CARD8: variants seen among roughly 807,000 people sequenced by gnomAD.
CARD8 encodes caspase recruitment domain family member 8.
Under a neutral mutation model 53.2 loss-of-function variants are expected in CARD8, and 38 were observed. That is an observed-to-expected ratio of 0.71 (90% CI 0.55 to 0.94). The LOEUF is 0.94. Among genes scored for constraint, CARD8 ranks in the 40% least tolerant of loss-of-function variants. The probability of loss-of-function intolerance (pLI) is 0.00; values close to 1 mark genes in which losing one functional copy is unlikely to be tolerated. For missense variants in CARD8, 561 were observed against 655.5 expected, an observed-to-expected ratio of 0.86 and a Z score of 1.57; for synonymous variants, 245 against 244.9, an observed-to-expected ratio of 1.00 and a Z score of 0.00.
chr19:48,229,560 A>C (rs11083925), intron 10 of CARD8, among the ~76,000 whole-genome samples: 45,184 of 152,140 alleles, frequency 0.3, 7,056 homozygotes, highest in East Asian at 0.47. Context: ...TTGGAGCATT[A>C]GACGGGGGGA....
In CARD8 at chr19:48,232,200, G is replaced by C. The variant is rs1439053663; in HGVS notation, c.391+253C>G. 3.6e-5 allele frequency: 21 copies of C among 586,928 alleles called. No individual in the cohort carries two copies. In the South Asian group the frequency reaches 4.0e-4, roughly 11 times the overall value. The allele number at this position is 586,928 out of a possible 1,614,324, so 36.4% of individuals were successfully genotyped here. ...ACTCCAAAGATGCAGAGGCGAAAGA[G>C]CGTGCATCCTTCCTAGGCCCTGCTG... On this transcript the variant is annotated intron_variant, in intron 7 of 13. Transcript: ENST00000651546.
At chr19:48,218,754 T>C (rs779171604) in intron 12 of CARD8, 117 bp downstream of exon 12, 6 of 1,145,034 alleles carry the variant, frequency 5.2e-6, no homozygotes, top group African/African-American at 1.5e-5. Context: ...ACACTGACAA[T>C]AGATTTCTTT....
chr19:48,238,671 C>T (rs995875849), intron 4 of CARD8, 139 bp from the exon 5 acceptor site: 2 of 747,400 alleles, frequency 2.7e-6, no homozygotes, highest in Non-Finnish European at 4.3e-6. Context: ...CATAGAGATG[C>T]CATCCTTAGA....
downstream of CARD8, among the ~76,000 whole-genome samples, chr19:48,205,118 A>G (rs140249494): frequency 3.5e-3 from 526 of 152,268 alleles, 3 homozygotes; most frequent in African/African-American, 0.012. Flanking sequence ...TAGTCAGGAA[A>G]AGTCGGAGTG....
rs573158069 is a variant in CARD8, at chr19:48,252,242, C to T, written c.-251-2395G>A. On this transcript the variant is annotated intron_variant, in intron 1 of 13. Transcript: ENST00000651546. ...GAGAAAAAGTCATGCAGTTATTGAG[C>T]AATTGAATTAGGGCTAGTTTGAATT... is the stretch of plus-strand genomic sequence containing the variant. Among the ~76,000 whole-genome samples the T allele has an allele frequency of 7.9e-5, 12 of 152,054 alleles. No individual in the cohort carries two copies. The South Asian group carries it at 2.3e-3, about 29-fold the overall frequency.
At chr19:48,228,684 A>C (rs1290210785) in intron 10 of CARD8, among the ~76,000 whole-genome samples, 1 of 152,130 alleles carries the variant, frequency 6.6e-6, no homozygotes, top group Non-Finnish European at 1.5e-5. Context: ...CAGCATTTCC[A>C]ATGTGGGGGC....
At chr19:48,245,241 CCT>C (rs1479800762) in intron 3 of CARD8, among the ~76,000 whole-genome samples, 1 of 152,104 alleles carries the variant, frequency 6.6e-6, no homozygotes, top group African/African-American at 2.4e-5. Context: ...ACGGGGCCTC[CCT>C]CTGTCGCTCA....
chr19:48,219,383 T>C (rs2040027713), intron 11 of CARD8, among the ~76,000 whole-genome samples: 2 of 152,220 alleles, frequency 1.3e-5, no homozygotes, highest in Admixed American at 6.5e-5. Flanking sequence ...ATCAGGTCTC[T>C]CTGAGCCTCG....
chr19:48,240,970 C>T lies in CARD8; in HGVS notation c.51G>A (p.Leu17=), dbSNP rs2044917709. ...AGCGCAAAGTCACTCACCGTCTCGG[C>T]AGCTCTTCCTCACTGCTGCTACTCT... ...PEKSSSSEEE[L]PRRDSGSSRN... is the part of the protein sequence containing the mutation. The change falls in exon 4 of 14, where the codon CTG becomes CTA. Residue 17 remains leucine (L), a synonymous_variant. Transcript: ENST00000651546. 3 of 1,536,100 alleles carry T rather than the reference C, an allele frequency of 2.0e-6. No homozygotes were observed. The highest frequency in any genetic ancestry group is 2.6e-6 in the Non-Finnish European group (3 of 1,146,756).
At position 48,221,963 on chromosome 19, in the gene CARD8, C is replaced by T. The variant is rs559743935; in HGVS notation, c.1036-108G>A. The T allele has an allele frequency of 6.2e-6, 5 of 801,066 alleles. No individual in the cohort carries two copies. The Admixed American group carries it at 1.6e-4, about 26-fold the overall frequency. The allele number at this position is 801,066 out of a possible 1,614,324, so 49.6% of individuals were successfully genotyped here. A position where few individuals can be genotyped will look rare whatever the true frequency, so the allele number is the denominator to read the frequency against. ...ATTAAGTAGCACGTAGGCTATGATTCAATTGATATAAAGATTAAGGTATTC... is the reference window on the plus strand; with the variant it reads ...ATTAAGTAGCACGTAGGCTATGATTTAATTGATATAAAGATTAAGGTATTC... On this transcript the variant is annotated intron_variant, in intron 10 of 13. Coordinates refer to ENST00000651546, the MANE Select transcript of CARD8 (RefSeq NM_001184900.3).
At chr19:48,233,461 T>C (rs879564352) in intron 6 of CARD8, 3 of 455,126 alleles carry the variant, frequency 6.6e-6, no homozygotes, top group Non-Finnish European at 1.3e-5. Flanking sequence ...AAGGATTCTG[T>C]GGGCAAGCCA....
chr19:48,250,862 A>G (rs1179434062), intron 1 of CARD8, among the ~76,000 whole-genome samples: 1 of 152,252 alleles, frequency 6.6e-6, no homozygotes, highest in Non-Finnish European at 1.5e-5. Context: ...AAAAAATTTA[A>G]CAAGTAACAC....
At chr19:48,212,160 T>G (rs2008527) in intron 13 of CARD8, among the ~76,000 whole-genome samples, 185 bp from the exon 14 acceptor site, 1 of 152,120 alleles carries the variant, frequency 6.6e-6, no homozygotes, top group African/African-American at 2.4e-5. Context: ...TCAAATGCAT[T>G]GAGGTGTCTC....
rs1568695803 is a variant in CARD8 at position 48,220,959 on chromosome 19, AAGG to A, written c.1161+768_1161+770del. 2.5e-3 allele frequency among the ~76,000 whole-genome samples: 193 copies of A among 77,976 alleles called. 2 individuals carry two copies. The highest frequency in any genetic ancestry group is 9.2e-3 in the African/African-American group (184 of 19,918). 51.2% of individuals were successfully genotyped at this position (77,976 alleles called of 152,430 possible). A position where few individuals can be genotyped will look rare whatever the true frequency, so the allele number is the denominator to read the frequency against. ...AGAGGGAAAGAAAGGAAAGGAAAGG[AAGG>A]AAGGAAGGAAGGAAGGAAGGAAGGA... On this transcript the variant is annotated intron_variant, in intron 11 of 13. Transcript: ENST00000651546.
At chr19:48,242,619 A>C (rs1032733508) in intron 3 of CARD8, 1 of 152,172 alleles carries the variant, frequency 6.6e-6, no homozygotes, top group African/African-American at 2.4e-5. Context: ...CAGACGATAG[A>C]CATTTGGGTG....
intron 1 of CARD8, among the ~76,000 whole-genome samples, chr19:48,253,031 T>C (rs1486396605): frequency 6.6e-6 from 1 of 152,178 alleles, no homozygotes. Flanking sequence ...TCCTTATTCT[T>C]GGTACTATTT....
chr19:48,243,025 G>A (rs1037887850), intron 3 of CARD8, among the ~76,000 whole-genome samples: 5 of 152,072 alleles, frequency 3.3e-5, no homozygotes, highest in African/African-American at 9.7e-5. Flanking sequence ...TAGCATTTCA[G>A]AGACTCTGGA....
downstream of CARD8, among the ~76,000 whole-genome samples, chr19:48,205,130 T>C (rs77729872): frequency 7.4e-3 from 1,120 of 152,266 alleles, 11 homozygotes; most frequent in African/African-American, 0.026. Flanking sequence ...GTCGGAGTGT[T>C]GAAGCTAACG....
At chr19:48,246,569 T>C (rs1193023948) in intron 3 of CARD8, among the ~76,000 whole-genome samples, 1 of 151,386 alleles carries the variant, frequency 6.6e-6, no homozygotes, top group Non-Finnish European at 1.5e-5. Context: ...GATAGACAAA[T>C]AGAGCAGAGC....
Sources: allele counts gnomAD v4.1 joint callset (sites outside exome capture counted in the v4.1 genomes callset), GRCh38; gene constraint gnomAD v4.1.1; transcripts MANE v1.5; gene names NCBI Gene and HGNC (gene_info 2026-07-23, HGNC 2026-07-21).